FLNC: variants seen among roughly 807,000 people sequenced by gnomAD.
FLNC encodes filamin C.
In FLNC, 91 loss-of-function variants were observed where a neutral mutation model predicts 254.3. That is an observed-to-expected ratio of 0.36 (90% CI 0.30 to 0.43). FLNC has a LOEUF of 0.43. FLNC is among the 20% of genes least tolerant of loss of function. FLNC has a pLI of 1.00. For missense variants in FLNC, 2,853 were observed against 3,802.6 expected (o/e 0.75, Z 6.57); for synonymous variants, 1,430 against 1,577.2 (o/e 0.91, Z 2.21).
At chr7:128,847,617 GCCT>G (rs1005699284) in intron 24 of FLNC, 77 bp from the exon 25 acceptor site, 52 of 1,552,314 alleles carry the variant, frequency 3.3e-5, no homozygotes, top group Admixed American at 6.7e-5. Context: ...GGCAGGGAAG[GCCT>G]CCTCCTCCGA....
rs1808689249 is a variant in FLNC at position 128,848,987 on chromosome 7, G to C, written c.4927+5G>C. On this transcript the variant is annotated splice_donor_5th_base_variant and intron_variant, in intron 28 of 47. Coordinates refer to ENST00000325888, the MANE Select transcript of FLNC (RefSeq NM_001458.5). ...CCAGCAAGTGCCTCGTCACAGGTGG[G>C]TGCCCACCCGCTGCCCGTGCCCTGC... 1 of 1,610,124 alleles carries C rather than the reference G, an allele frequency of 6.2e-7. No individual in the cohort carries two copies. Among genetic ancestry groups the C allele is most frequent in the Non-Finnish European group, 8.5e-7 (1 of 1,178,330 alleles).
In FLNC at chr7:128,841,038, G is replaced by C; in HGVS notation, c.1813+68G>C. On this transcript the variant is annotated intron_variant, in intron 11 of 47. Coordinates refer to ENST00000325888, the MANE Select transcript of FLNC (RefSeq NM_001458.5). The surrounding 1 kb of genome is among the most constrained non-coding windows in gnomAD (Gnocchi z 4.3). ...GGCAGCAGGGGACACTGTGGGTAAT[G>C]GGTGCAGTGCGCATGCTGGGGAGCG... 1 of 1,565,922 alleles carries C rather than the reference G, an allele frequency of 6.4e-7. No homozygotes were observed. Among genetic ancestry groups the C allele is most frequent in the South Asian group, 1.1e-5 (1 of 88,322 alleles).
intron 28 of FLNC, 70 bp from the exon 29 acceptor site, chr7:128,849,111 C>T (rs1023774212): frequency 2.7e-6 from 4 of 1,483,162 alleles, no homozygotes; most frequent in Non-Finnish European, 3.7e-6. Context: ...GCCCCTCCCT[C>T]CCTCACCCCC....
At chr7:128,831,634 C>T (rs1807895554) in intron 1 of FLNC, among the ~76,000 whole-genome samples, 1 of 152,242 alleles carries the variant, frequency 6.6e-6, no homozygotes, top group South Asian at 2.1e-4. Context: ...CTGTCCTCCT[C>T]CTGCTTCAGC....
chr7:128,830,558 C>T lies in FLNC; in HGVS notation c.-80C>T. The T allele has an allele frequency of 1.7e-6, 2 of 1,209,972 alleles. No homozygotes were observed. Among genetic ancestry groups the T allele is most frequent in the Non-Finnish European group, 2.4e-6 (2 of 834,592 alleles). The allele number at this position is 1,209,972 out of a possible 1,614,324, so 75.0% of individuals were successfully genotyped here. On this transcript the variant is annotated 5_prime_UTR_variant, in exon 1 of 48. Coordinates refer to ENST00000325888, the MANE Select transcript of FLNC (RefSeq NM_001458.5). ...AGCGCAGCGCAGCGAGTCCCGTGGT[C>T]GCGCCCCAACAGCGCCCGACAGCCC... is the stretch of plus-strand genomic sequence containing the variant.
Position 128,844,356 on chromosome 7 carries a change from T to G in FLNC, c.3192+90T>G, listed in dbSNP as rs904214570. ...AGGGGGCAGAGGCCAGAGGGACTTA[T>G]GTGCCTGGAGTGGGCACAGCCAAGG... On this transcript the variant is annotated intron_variant, in intron 20 of 47. Coordinates refer to ENST00000325888, the MANE Select transcript of FLNC (RefSeq NM_001458.5). The G allele has an allele frequency of 2.1e-6, 3 of 1,454,650 alleles. No individual in the cohort carries two copies. In the African/African-American group the frequency reaches 4.2e-5, roughly 20 times the overall value. 90.1% of individuals were successfully genotyped at this position (1,454,650 alleles called of 1,614,324 possible).
At chr7:128,838,153 C>T in intron 6 of FLNC, 89 bp downstream of exon 6, 1 of 1,497,034 alleles carries the variant, frequency 6.7e-7, no homozygotes, top group African/African-American at 1.4e-5. Flanking sequence ...GTACCTCGCG[C>T]CTGCCCAGAG....
At chr7:128,837,791 TG>T in intron 5 of FLNC, 36 bp downstream of exon 5, 2 of 1,536,094 alleles carry the variant, frequency 1.3e-6, no homozygotes, top group Admixed American at 3.9e-5. Context: ...GGGATTCACT[TG>T]GGATTGGAAC....
Position 128,857,121 on chromosome 7 carries a change from T to C in FLNC, c.7565T>C (p.Val2522Ala). 2 of 1,614,000 alleles carry C rather than the reference T, an allele frequency of 1.2e-6. No individual in the cohort carries two copies. Among genetic ancestry groups the C allele is most frequent in the Non-Finnish European group, 1.7e-6 (2 of 1,179,930 alleles). ...GPGLEGGTTG[V>A]SSEFIVNTLN... ...CCTTGCTACCTCTGGCCCCCAGGTGTGTCATCAGAGTTCATCGTGAACACC... is the reference window on the plus strand; with the variant it reads ...CCTTGCTACCTCTGGCCCCCAGGTGCGTCATCAGAGTTCATCGTGAACACC... Residue 2522 changes from valine to alanine, a missense_variant, in exon 46 of 48, where the codon GTG becomes GCG. Val to Ala is a moderately conservative substitution (Grantham distance 64). This residue lies in a region of FLNC where 197 missense variants were observed against 351.5 expected (regional missense o/e 0.56). Coordinates refer to ENST00000325888, the MANE Select transcript of FLNC (RefSeq NM_001458.5). The surrounding 1 kb of genome is among the most constrained non-coding windows in gnomAD (Gnocchi z 4.5).
rs1807839926 is a variant in FLNC, at chr7:128,830,510, C to T, written c.-128C>T. 1 of 789,414 alleles carries T rather than the reference C, an allele frequency of 1.3e-6. No individual in the cohort carries two copies. Among genetic ancestry groups the T allele is most frequent in the African/African-American group, 1.7e-5 (1 of 57,520 alleles). The allele number at this position is 789,414 out of a possible 1,614,324, so 48.9% of individuals were successfully genotyped here. A position where few individuals can be genotyped will look rare whatever the true frequency, so the allele number is the denominator to read the frequency against. ...TCGCCGAGCCCCGCCAGCCCCGGCG[C>T]GAGAGAAGTTGGAGAGGAGAGCAGC... On this transcript the variant is annotated 5_prime_UTR_variant, in exon 1 of 48. Coordinates refer to ENST00000325888, the MANE Select transcript of FLNC (RefSeq NM_001458.5).
At position 128,839,992 on chromosome 7, in the gene FLNC, AC is replaced by A. The variant is rs575670745; in HGVS notation, c.1412-26del. 1.9e-6 allele frequency: 3 copies of A among 1,607,920 alleles called. No homozygotes were observed. The South Asian group carries it at 3.3e-5, about 18-fold the overall frequency. Reference sequence around the variant, plus strand: ...GGCTAGTGGTCCAAGGCCCCTCAGCACCCCCAACCTCCTTTCTCTTCCTCCC... The same window carrying A: ...GGCTAGTGGTCCAAGGCCCCTCAGCACCCCAACCTCCTTTCTCTTCCTCCC... On this transcript the variant is annotated intron_variant, in intron 8 of 47. Transcript: ENST00000325888.
chr7:128,843,612 G>C (rs200417422), intron 18 of FLNC, 35 bp downstream of exon 18: 150 of 1,612,096 alleles, frequency 9.3e-5, no homozygotes, highest in Non-Finnish European at 1.2e-4. Context: ...CCGCCCGGCC[G>C]GCCCGCCAGA....
chr7:128,856,732 C>T lies in FLNC; in HGVS notation c.7385-13C>T. On this transcript the variant is annotated splice_polypyrimidine_tract_variant and intron_variant, in intron 44 of 47. Transcript: ENST00000325888. This position sits in a 1 kb window ranked among gnomAD's most constrained non-coding sequence, Gnocchi z 5.9. ...GAAGGATGGAGGCTAAGCCACCAAC[C>T]CTTTATCCACAGACAAGCACACCAT... is the stretch of plus-strand genomic sequence containing the variant. 1 of 1,614,168 alleles carries T rather than the reference C, an allele frequency of 6.2e-7. No homozygotes were observed. Among genetic ancestry groups the T allele is most frequent in the East Asian group, 2.2e-5 (1 of 44,886 alleles).
chr7:128,842,389 C>A lies in FLNC; in HGVS notation c.2265+15C>A, dbSNP rs1398432369. 6.2e-7 allele frequency: 1 copy of A among 1,613,154 alleles called. No individual in the cohort carries two copies. The highest frequency in any genetic ancestry group is 1.1e-5 in the South Asian group (1 of 91,072). ...GCCCCTTCCGGGTGCGTCCTCCCGG[C>A]CTGCCCCGTGCCCACCACCAGGGGT... On this transcript the variant is annotated intron_variant, in intron 14 of 47. Transcript: ENST00000325888. This position sits in a 1 kb window ranked among gnomAD's most constrained non-coding sequence, Gnocchi z 5.4.
chr7:128,830,999 G>A lies in FLNC; in HGVS notation c.352+10G>A, dbSNP rs79489893. The A allele has an allele frequency of 1.1e-3, 1,763 of 1,602,824 alleles. 21 individuals are homozygous for A. In the African/African-American group the frequency reaches 0.021, roughly 19 times the overall value. On this transcript the variant is annotated intron_variant, in intron 1 of 47. Transcript: ENST00000325888. ...AAGCTCGTGTCCATAGGTCAGTGCC[G>A]GGGGCGAGGGCACGGGCGCTGCGGG...
chr7:128,843,824 G>A lies in FLNC; in HGVS notation c.2840G>A (p.Gly947Asp), dbSNP rs993226627. Reference protein sequence around the residue: ...QGNMAVTVTYGGDPVPKSPFV... With the variant: ...QGNMAVTVTYDGDPVPKSPFV... ...AACATGGCAGTGACAGTGACTTATG[G>A]CGGGGACCCTGTCCCCAAGAGCCCC... Residue 947 changes from glycine (G) to aspartate (D), a missense_variant, in exon 19 of 48, where the codon GGC becomes GAC. Physicochemically the swap from Gly to Asp is moderately conservative, Grantham distance 94 (BLOSUM62 -1). Coordinates refer to ENST00000325888, the MANE Select transcript of FLNC (RefSeq NM_001458.5). The A allele has an allele frequency of 3.1e-6, 5 of 1,613,824 alleles. No individual in the cohort carries two copies. Among genetic ancestry groups the A allele is most frequent in the Non-Finnish European group, 3.4e-6 (4 of 1,179,988 alleles).
chr7:128,843,427 C>T lies in FLNC; in HGVS notation c.2661C>T (p.Pro887=), dbSNP rs772723929. ...LNRTGVEVGK[P]THFTVLTKGA... ...CCTCAGGTGTGGAAGTCGGGAAGCCCACCCACTTCACGGTGCTGACCAAGG... is the reference window on the plus strand; with the variant it reads ...CCTCAGGTGTGGAAGTCGGGAAGCCTACCCACTTCACGGTGCTGACCAAGG... The change falls in exon 18 of 48, where the codon CCC becomes CCT. Residue 887 remains proline, a synonymous_variant. Transcript: ENST00000325888. 6.8e-6 allele frequency: 11 copies of T among 1,614,094 alleles called. No individual in the cohort carries two copies. Among genetic ancestry groups the T allele is most frequent in the Non-Finnish European group, 9.3e-6 (11 of 1,180,022 alleles).
chr7:128,851,958 C>T lies in FLNC; in HGVS notation c.5842+330C>T, dbSNP rs192199273. On this transcript the variant is annotated intron_variant, in intron 35 of 47. Transcript: ENST00000325888. ...TCGGCTCACTGCAACCTCCGCCTCC[C>T]GGGTTCATGCCATTCTTCTGCCTCA... Among the ~76,000 whole-genome samples the T allele has an allele frequency of 5.3e-3, 805 of 152,290 alleles. 3 individuals are homozygous for T. The highest frequency in any genetic ancestry group is 8.8e-3 in the Admixed American group (134 of 15,304).
At chr7:128,848,136 A>G in intron 26 of FLNC, 68 bp downstream of exon 26, 1 of 1,538,544 alleles carries the variant, frequency 6.5e-7, no homozygotes, top group Non-Finnish European at 8.8e-7. Context: ...GGTGGCACTC[A>G]GGATCACTGC....
Sources: gnomAD v4.1 joint callset for allele counts (sites outside exome capture counted in the v4.1 genomes callset) on GRCh38, gnomAD v4.1.1 for gene constraint, gnomAD v4.1.1 regional missense constraint, Gnocchi (gnomAD v3.1) non-coding constraint, MANE v1.5 for transcripts, NCBI Gene and HGNC (gene_info 2026-07-23, HGNC 2026-07-21) for gene names.